The following CACNA1E variants were observed in gnomAD, a reference collection of about 807,000 sequenced individuals.
The protein encoded by CACNA1E is calcium voltage-gated channel subunit alpha1 E.
In CACNA1E, 40 loss-of-function variants were observed where a neutral mutation model predicts 259.2. That is an observed-to-expected ratio of 0.15 (90% CI 0.12 to 0.20). CACNA1E has a LOEUF of 0.20. CACNA1E is among the 10% of genes least tolerant of loss of function. The probability of loss-of-function intolerance (pLI) is 1.00; values close to 1 mark genes in which losing one functional copy is unlikely to be tolerated. For synonymous variants in CACNA1E, 1,104 were observed against 1,138.5 expected, an observed-to-expected ratio of 0.97 and a Z score of 0.61; for missense variants, 1,874 against 3,040.1, an observed-to-expected ratio of 0.62 and a Z score of 9.02.
intron 7 of CACNA1E, among the ~76,000 whole-genome samples, chr1:181,690,572 G>A (rs2102318984): frequency 6.6e-6 from 1 of 152,224 alleles, no homozygotes; most frequent in South Asian, 2.1e-4. Flanking sequence ...TGGGCAGTAT[G>A]GCCATTTTCA....
At chr1:181,627,904 A>G (rs543002686) in intron 6 of CACNA1E, among the ~76,000 whole-genome samples, 2 of 152,308 alleles carry the variant, frequency 1.3e-5, no homozygotes, top group South Asian at 2.1e-4. Flanking sequence ...TCATTTTAGT[A>G]TTAAAGGGAA....
chr1:181,496,502 G>A (rs1166359638), intron 1 of CACNA1E, among the ~76,000 whole-genome samples: 1 of 152,142 alleles, frequency 6.6e-6, no homozygotes, highest in Non-Finnish European at 1.5e-5. Context: ...GGCTTCTTGG[G>A]TATTTAGGGC....
At chr1:181,560,215 A>G (rs1381092999) in intron 3 of CACNA1E, among the ~76,000 whole-genome samples, 1 of 151,974 alleles carries the variant, frequency 6.6e-6, no homozygotes, top group Non-Finnish European at 1.5e-5. Context: ...AGATACTGCA[A>G]ACAACCTTGC....
intron 32 of CACNA1E, among the ~76,000 whole-genome samples, chr1:181,761,678 T>C (rs1444746896): frequency 6.6e-6 from 1 of 152,262 alleles, no homozygotes; most frequent in Non-Finnish European, 1.5e-5. Context: ...TGTTACAGAC[T>C]GCCCTTTAAA....
intron 15 of CACNA1E, 90 bp downstream of exon 15, chr1:181,720,945 C>A: frequency 1.2e-6 from 1 of 856,546 alleles, no homozygotes; most frequent in Non-Finnish European, 1.9e-6. Context: ...GATAATTCTG[C>A]TTTTCCTTTC....
chr1:181,794,233 T>C (rs1661585256), intron 45 of CACNA1E, among the ~76,000 whole-genome samples: 2 of 152,238 alleles, frequency 1.3e-5, no homozygotes, highest in Admixed American at 1.3e-4. Flanking sequence ...TTTTCCTGTC[T>C]GTCGGTCTTA....
chr1:181,758,665 G>T lies in CACNA1E; in HGVS notation c.4495-93G>T, dbSNP rs1009031721. The T allele has an allele frequency of 8.5e-6, 6 of 704,596 alleles. No homozygotes were observed. In the East Asian group the frequency reaches 1.3e-4, roughly 15 times the overall value. The allele number at this position is 704,596 out of a possible 1,614,324, so 43.6% of individuals were successfully genotyped here. On this transcript the variant is annotated intron_variant, in intron 31 of 47. Coordinates refer to ENST00000367573, the MANE Select transcript of CACNA1E (RefSeq NM_001205293.3). This position sits in a 1 kb window ranked among gnomAD's most constrained non-coding sequence, Gnocchi z 4.2. ...ACCACACACCAGAGTGTCCCACAGG[G>T]CAGGAATGAGAGATGGCCAACCTCA...
At chr1:181,479,978 T>C (rs999751730), upstream of CACNA1E, among the ~76,000 whole-genome samples, 1 of 152,202 alleles carries the variant, frequency 6.6e-6, no homozygotes, top group African/African-American at 2.4e-5. Flanking sequence ...TAAACACATG[T>C]ATTATTCAAC....
chr1:181,438,540 G>A (rs1019152345), intron 2 of CACNA1E, among the ~76,000 whole-genome samples: 1 of 152,104 alleles, frequency 6.6e-6, no homozygotes, highest in Non-Finnish European at 1.5e-5. Flanking sequence ...TCATCAGGTG[G>A]GGAGTGGGAA....
chr1:181,448,644 T>C (rs1180720735), intron 2 of CACNA1E, among the ~76,000 whole-genome samples: 3 of 152,222 alleles, frequency 2.0e-5, no homozygotes, highest in Non-Finnish European at 1.5e-5. Context: ...AGCAGACCAA[T>C]TGTATATTAC....
In CACNA1E at chr1:181,758,854, G is replaced by A; in HGVS notation, c.4591G>A (p.Ala1531Thr). 1 of 1,602,028 alleles carries A rather than the reference G, an allele frequency of 6.2e-7. No homozygotes were observed. Among genetic ancestry groups the A allele is most frequent in the Non-Finnish European group, 8.6e-7 (1 of 1,169,252 alleles). The change falls in exon 32 of 48, where the codon GCT becomes ACT. Residue 1531 changes from alanine (A) to threonine (T), a missense_variant. Around this residue, in one of 14 missense-constraint regions of CACNA1E, gnomAD observed 188 missense variants for 540.6 expected, o/e 0.35. Coordinates refer to ENST00000367573, the MANE Select transcript of CACNA1E (RefSeq NM_001205293.3). The surrounding 1 kb of genome is among the most constrained non-coding windows in gnomAD (Gnocchi z 4.2). The part of the protein sequence containing the change: ...FSLECVLKVI[A>T]FGFLNYFRDT... The stretch of plus-strand genomic sequence containing the variant: ...CCTGGAATGTGTCCTGAAGGTCATC[G>A]CTTTTGGCTTTTTGGTATGTTGCTG...
intron 3 of CACNA1E, among the ~76,000 whole-genome samples, chr1:181,564,743 G>A (rs1470072142): frequency 1.3e-5 from 2 of 152,202 alleles, no homozygotes; most frequent in South Asian, 2.1e-4. Flanking sequence ...TTCTTAAATA[G>A]TATGACTTGA....
intron 1 of CACNA1E, among the ~76,000 whole-genome samples, chr1:181,348,826 GA>G (rs2102661414): frequency 6.6e-6 from 1 of 152,324 alleles, no homozygotes; most frequent in East Asian, 1.9e-4. Flanking sequence ...CTGGGCAGTA[GA>G]GCCTGTGGGG....
chr1:181,468,227 T>C (rs1159723993), intron 2 of CACNA1E, among the ~76,000 whole-genome samples: 1 of 152,212 alleles, frequency 6.6e-6, no homozygotes, highest in African/African-American at 2.4e-5. Flanking sequence ...ACTCGAGATG[T>C]GAGCTTTGCA....
rs1165063288 is a variant in CACNA1E at position 181,776,059 on chromosome 1, T to C, written c.5140-42T>C. On this transcript the variant is annotated intron_variant, in intron 37 of 47. Coordinates refer to ENST00000367573, the MANE Select transcript of CACNA1E (RefSeq NM_001205293.3). The surrounding 1 kb of genome is among the most constrained non-coding windows in gnomAD (Gnocchi z 4.4). ...TGTTCTTCTGCTTCCTGAGCTCTGC[T>C]TTAGGTTTCCCCTAACCCCTCTTCT... The C allele has an allele frequency of 6.3e-7, 1 of 1,586,584 alleles. No homozygotes were observed. The highest frequency in any genetic ancestry group is 8.6e-7 in the Non-Finnish European group (1 of 1,164,180).
At chr1:181,542,778 T>A (rs1325121603) in intron 3 of CACNA1E, among the ~76,000 whole-genome samples, 2 of 151,750 alleles carry the variant, frequency 1.3e-5, no homozygotes, top group African/African-American at 4.8e-5. Flanking sequence ...TACAGTGGCA[T>A]GCCTTTTAAT....
chr1:181,755,886 G>A, intron 28 of CACNA1E, 70 bp from the exon 29 acceptor site: 2 of 1,485,060 alleles, frequency 1.3e-6, no homozygotes, highest in Non-Finnish European at 1.8e-6. Context: ...GCGGCCTGTA[G>A]AATGTGCTGA....
intron 25 of CACNA1E, 84 bp from the exon 26 acceptor site, chr1:181,750,392 G>GTCTT (rs1657486158): frequency 8.3e-7 from 1 of 1,199,546 alleles, no homozygotes; most frequent in Non-Finnish European, 1.2e-6. Flanking sequence ...TGTTCTGACT[G>GTCTT]TCTTTCTTCT....
At chr1:181,781,292 C>T (rs150654451) in intron 38 of CACNA1E, 135 bp from the exon 39 acceptor site, 60 of 610,250 alleles carry the variant, frequency 9.8e-5, no homozygotes, top group African/African-American at 8.1e-4. Context: ...GTATTTTGTT[C>T]GTTTTTGCTC....
Sources: allele counts gnomAD v4.1 joint callset (sites outside exome capture counted in the v4.1 genomes callset), GRCh38; gene constraint gnomAD v4.1.1; regional missense constraint gnomAD v4.1.1; non-coding constraint Gnocchi (gnomAD v3.1); transcripts MANE v1.5; gene names NCBI Gene and HGNC (gene_info 2026-07-23, HGNC 2026-07-21).